Variants in PCDH15 observed in about 807,000 individuals in gnomAD.
The protein encoded by PCDH15 is protocadherin-15.
In PCDH15, 129 loss-of-function variants were observed where a neutral mutation model predicts 178.5. The ratio of observed to expected loss-of-function variants is 0.72; its 90% confidence interval spans 0.63 to 0.84. The LOEUF is 0.84. Among genes scored for constraint, PCDH15 ranks in the 40% least tolerant of loss-of-function variants. PCDH15 has a pLI of 0.00. For synonymous variants in PCDH15, 800 were observed against 732.0 expected (o/e 1.09, Z -1.50); for missense variants, 2,230 against 2,099.9 (o/e 1.06, Z -1.21).
At chr10:54,413,001 G>A (rs1018219959) in intron 3 of PCDH15, among the ~76,000 whole-genome samples, 1 of 152,208 alleles carries the variant, frequency 6.6e-6, no homozygotes, top group Non-Finnish European at 1.5e-5. Context: ...GACTAAGAAA[G>A]GCAGACCTGG....
At chr10:53,981,613 C>T (rs2090645681) in intron 21 of PCDH15, among the ~76,000 whole-genome samples, 1 of 150,736 alleles carries the variant, frequency 6.6e-6, no homozygotes, top group Non-Finnish European at 1.5e-5. Flanking sequence ...ACTGGCTAGC[C>T]ATATGTAGAA....
rs139149273 is a variant in PCDH15, at chr10:54,608,951, T to G, written c.91+55221A>C. Among the ~76,000 whole-genome samples, 1,106 of 152,188 alleles carry G rather than the reference T, an allele frequency of 7.3e-3. 5 individuals are homozygous for G. The highest frequency in any genetic ancestry group is 0.01 in the Non-Finnish European group (695 of 67,980). On this transcript the variant is annotated intron_variant, in intron 2 of 37. Transcript: ENST00000644397. Reference sequence around the variant, plus strand: ...CCAAATTTTTAGACTCTGTACTCAATCTATAAGATGTATGTGAGCAAAATA... The same window carrying G: ...CCAAATTTTTAGACTCTGTACTCAAGCTATAAGATGTATGTGAGCAAAATA...
intron 15 of PCDH15, among the ~76,000 whole-genome samples, chr10:54,093,254 A>G (rs926586971): frequency 6.6e-6 from 1 of 152,176 alleles, no homozygotes; most frequent in Non-Finnish European, 1.5e-5. Flanking sequence ...AACTTTGAAG[A>G]CTTAGGATTT....
chr10:55,353,366 T>G (rs1305337619), intron 2 of PCDH15, among the ~76,000 whole-genome samples: 1 of 152,160 alleles, frequency 6.6e-6, no homozygotes, highest in Non-Finnish European at 1.5e-5. Flanking sequence ...CAATTACTTT[T>G]GCACCAACCT....
rs557075419 is a variant in PCDH15 at position 54,152,406 on chromosome 10, G to T, written c.1784+694C>A. On this transcript the variant is annotated intron_variant, in intron 14 of 37. Coordinates refer to ENST00000644397, the MANE Select transcript of PCDH15 (RefSeq NM_001384140.1). ...TTAAGGAATATGTTTATCAATAATA[G>T]ACTTCTTCCATAGTTTTATACTTAT... Among the ~76,000 whole-genome samples, 52 of 151,536 alleles carry T rather than the reference G, an allele frequency of 3.4e-4. No individual in the cohort carries two copies. The South Asian group carries it at 7.1e-3, about 21-fold the overall frequency.
In PCDH15 at chr10:54,533,007, A is replaced by T. The variant is rs557518743; in HGVS notation, c.92-5130T>A. Reference sequence around the variant, plus strand: ...GGGTTCCTGCCTTATGCCCTGAGGTACTGGGCTAGCAGGCTCCCTGATGGG... The same window carrying T: ...GGGTTCCTGCCTTATGCCCTGAGGTTCTGGGCTAGCAGGCTCCCTGATGGG... On this transcript the variant is annotated intron_variant, in intron 2 of 37. Coordinates refer to ENST00000644397, the MANE Select transcript of PCDH15 (RefSeq NM_001384140.1). 1.4e-3 allele frequency among the ~76,000 whole-genome samples: 210 copies of T among 152,316 alleles called. 1 individual carries two copies. The highest frequency in any genetic ancestry group is 4.7e-3 in the African/African-American group (196 of 41,562).
intron 21 of PCDH15, among the ~76,000 whole-genome samples, chr10:53,979,521 T>C (rs563386126): frequency 1.3e-5 from 2 of 152,204 alleles, no homozygotes; most frequent in Non-Finnish European, 2.9e-5. Context: ...GGGGATACAT[T>C]GTTGGCAAGT....
chr10:53,888,321 C>CATATATATATAT (rs1564691134), intron 26 of PCDH15, among the ~76,000 whole-genome samples: 1 of 26,348 alleles, frequency 3.8e-5, no homozygotes, highest in African/African-American at 1.4e-4. Flanking sequence ...TATATATGTA[C>CATATATATATAT]GTATATATAT....
chr10:55,534,639 G>T (rs1056003571), intron 2 of PCDH15, among the ~76,000 whole-genome samples: 1 of 151,946 alleles, frequency 6.6e-6, no homozygotes, highest in African/African-American at 2.4e-5. Flanking sequence ...GATTAGTTCA[G>T]CCACTGTGGT....
At chr10:55,457,025 A>G (rs758004529) in intron 2 of PCDH15, among the ~76,000 whole-genome samples, 1 of 152,080 alleles carries the variant, frequency 6.6e-6, no homozygotes, top group Non-Finnish European at 1.5e-5. Context: ...TTCTTTTTAA[A>G]AGACTGTTGA....
rs11003927 is a variant in PCDH15, at chr10:53,907,740, C to A, written c.3374-4370G>T. On this transcript the variant is annotated intron_variant, in intron 25 of 37. Transcript: ENST00000644397. ...TGTTTTAAAGAAAGAGAAAATAATA[C>A]TTTTATGTAGTCAAGCTCAGGGGAA... Among the ~76,000 whole-genome samples the A allele has an allele frequency of 3.9e-5, 6 of 152,046 alleles. No individual in the cohort carries two copies. In the East Asian group the frequency reaches 1.2e-3, roughly 30 times the overall value.
chr10:55,338,949 A>C (rs1354565748), intron 2 of PCDH15, among the ~76,000 whole-genome samples: 1 of 152,000 alleles, frequency 6.6e-6, no homozygotes, highest in Non-Finnish European at 1.5e-5. Flanking sequence ...TAAAAGAAAG[A>C]CTACTCTGGA....
intron 10 of PCDH15, among the ~76,000 whole-genome samples, chr10:54,198,948 A>G (rs1279975269): frequency 6.6e-6 from 1 of 152,162 alleles, no homozygotes; most frequent in Non-Finnish European, 1.5e-5. Context: ...ATAAGCTTAC[A>G]TTTTACATTC....
At chr10:54,430,072 T>A (rs1438625022) in intron 3 of PCDH15, among the ~76,000 whole-genome samples, 20 of 84,852 alleles carry the variant, frequency 2.4e-4, no homozygotes, top group Non-Finnish European at 4.9e-4. Flanking sequence ...TTTTTTTTTT[T>A]AAAGACAGAG....
At chr10:55,454,879 G>A (rs1365231868) in intron 2 of PCDH15, among the ~76,000 whole-genome samples, 1 of 151,184 alleles carries the variant, frequency 6.6e-6, no homozygotes, top group Non-Finnish European at 1.5e-5. Context: ...GCCTCTTAAA[G>A]TTTTGCTTTT....
chr10:55,257,410 C>T (rs1048440533), intron 1 of PCDH15, among the ~76,000 whole-genome samples: 118 of 152,052 alleles, frequency 7.8e-4, no homozygotes, highest in Non-Finnish European at 1.5e-3. Context: ...AGGCTTCAGA[C>T]GATCAAACTA....
chr10:54,894,399 G>A (rs1268078882), intron 3 of PCDH15, among the ~76,000 whole-genome samples: 1 of 152,128 alleles, frequency 6.6e-6, no homozygotes, highest in African/African-American at 2.4e-5. Flanking sequence ...AGCATAGGTA[G>A]AGAGGCATAC....
At chr10:55,440,898 G>A (rs988504673) in intron 2 of PCDH15, among the ~76,000 whole-genome samples, 44 of 152,098 alleles carry the variant, frequency 2.9e-4, no homozygotes, top group African/African-American at 9.2e-4. Flanking sequence ...CCAAGCAAAA[G>A]GGGTTTCCCC....
intron 2 of PCDH15, chr10:54,605,972 C>G (rs1281072483): frequency 6.6e-6 from 1 of 152,034 alleles, no homozygotes; most frequent in Non-Finnish European, 1.5e-5. Flanking sequence ...TTAGAGTGAG[C>G]AAGTGGGAGA....
Sources: allele counts gnomAD v4.1 joint callset (sites outside exome capture counted in the v4.1 genomes callset), GRCh38; gene constraint gnomAD v4.1.1; transcripts MANE v1.5; gene names NCBI Gene and HGNC (gene_info 2026-07-23, HGNC 2026-07-21).